The following TBC1D22A variants were observed in gnomAD, a reference collection of about 807,000 sequenced individuals.
TBC1D22A encodes the protein TBC1 domain family member 22A.
In TBC1D22A, 38 loss-of-function variants were observed where a neutral mutation model predicts 60.2. The observed-to-expected ratio is 0.63, with a 90% confidence interval of 0.49 to 0.83. The LOEUF is 0.83. TBC1D22A is among the 40% of genes least tolerant of loss of function. The pLI is 0.00. For synonymous variants in TBC1D22A, 302 were observed against 281.7 expected (o/e 1.07, Z -0.72); for missense variants, 628 against 701.0 (o/e 0.90, Z 1.18).
chr22:47,086,454 TCAAACAAA>T lies in TBC1D22A; in HGVS notation c.1330-25036_1330-25029del, dbSNP rs367825282. On this transcript the variant is annotated intron_variant, in intron 11 of 12. Transcript: ENST00000337137. ...TGGGCGACAAGAGTGAAACCCCATC[TCAAACAAA>T]CAAACAAACAAACAAACTAAAAACA... Among the ~76,000 whole-genome samples, 1,389 of 152,144 alleles carry T rather than the reference TCAAACAAA, an allele frequency of 9.1e-3. 15 individuals are homozygous for T. Among genetic ancestry groups the T allele is most frequent in the African/African-American group, 0.032 (1,321 of 41,484 alleles).
At chr22:46,864,993 C>T (rs1361245799) in intron 4 of TBC1D22A, among the ~76,000 whole-genome samples, 1 of 152,258 alleles carries the variant, frequency 6.6e-6, no homozygotes, top group Non-Finnish European at 1.5e-5. Context: ...TCTCCCAAGT[C>T]ACCCAGCAAT....
At position 46,941,425 on chromosome 22, in the gene TBC1D22A, ACG is replaced by A. The variant is rs1244060644; in HGVS notation, c.1015+29238_1015+29239del. On this transcript the variant is annotated intron_variant, in intron 8 of 12. Transcript: ENST00000337137. ...CACAGAATATATATACGGAATATAC[ACG>A]GAATATATATACACGGAATATATAT... Among the ~76,000 whole-genome samples the A allele has an allele frequency of 2.7e-3, 217 of 81,546 alleles. 13 individuals carry two copies. The highest frequency in any genetic ancestry group is 0.01 in the African/African-American group (198 of 18,938). 53.5% of individuals were successfully genotyped at this position (81,546 alleles called of 152,430 possible).
intron 12 of TBC1D22A, among the ~76,000 whole-genome samples, chr22:47,141,428 C>G (rs146675331): frequency 2.1e-3 from 317 of 152,340 alleles, no homozygotes; most frequent in African/African-American, 7.3e-3. Context: ...TTGCCTTCCC[C>G]TTACGCACGC....
At chr22:47,151,648 T>A (rs1221354045) in intron 12 of TBC1D22A, among the ~76,000 whole-genome samples, 1 of 152,152 alleles carries the variant, frequency 6.6e-6, no homozygotes, top group Non-Finnish European at 1.5e-5. Context: ...CAGGGCTTCT[T>A]CCTGTGGGGC....
chr22:47,016,863 G>A (rs2061925121), intron 10 of TBC1D22A, among the ~76,000 whole-genome samples: 2 of 152,240 alleles, frequency 1.3e-5, no homozygotes. Context: ...CGTGGCTGTT[G>A]TGCTCCTCAG....
At chr22:47,076,739 G>C (rs1393031355) in intron 11 of TBC1D22A, among the ~76,000 whole-genome samples, 3 of 151,980 alleles carry the variant, frequency 2.0e-5, no homozygotes, top group Non-Finnish European at 4.4e-5. Flanking sequence ...GCATGTAACA[G>C]GTGGGGGAAA....
intron 7 of TBC1D22A, among the ~76,000 whole-genome samples, chr22:46,896,369 T>C (rs973829000): frequency 9.2e-5 from 14 of 152,208 alleles, no homozygotes; most frequent in African/African-American, 3.4e-4. Context: ...TCTAGTGTGG[T>C]TGAACTTAAC....
intron 12 of TBC1D22A, among the ~76,000 whole-genome samples, chr22:47,155,962 C>T (rs1247924556): frequency 1.3e-5 from 2 of 152,236 alleles, no homozygotes; most frequent in Non-Finnish European, 1.5e-5. Flanking sequence ...AGGACCTCTA[C>T]GGCCCTCCTA....
At chr22:47,003,635 A>T (rs1435931769) in intron 10 of TBC1D22A, among the ~76,000 whole-genome samples, 5 of 143,282 alleles carry the variant, frequency 3.5e-5, no homozygotes, top group Non-Finnish European at 7.5e-5. Flanking sequence ...ATACATATAC[A>T]CACACCTACA....
chr22:47,059,235 C>G (rs566905625), intron 11 of TBC1D22A, among the ~76,000 whole-genome samples: 1 of 152,374 alleles, frequency 6.6e-6, no homozygotes, highest in Non-Finnish European at 1.5e-5. Context: ...GGATTTTCTG[C>G]CAGGGTCCTA....
chr22:47,104,714 A>T (rs1797709711), intron 11 of TBC1D22A, among the ~76,000 whole-genome samples: 1 of 147,484 alleles, frequency 6.8e-6, no homozygotes, highest in South Asian at 2.1e-4. Context: ...AAAAAAAAAG[A>T]TTCAATAGGA....
intron 1 of TBC1D22A, among the ~76,000 whole-genome samples, chr22:46,772,869 C>T (rs1197021008): frequency 6.6e-6 from 1 of 152,152 alleles, no homozygotes; most frequent in Non-Finnish European, 1.5e-5. Flanking sequence ...ACCTCCTGAT[C>T]CTCCTGCCTT....
intron 6 of TBC1D22A, among the ~76,000 whole-genome samples, chr22:46,892,268 C>T (rs1216985385): frequency 6.7e-6 from 1 of 148,776 alleles, no homozygotes; most frequent in Non-Finnish European, 1.5e-5. Context: ...GGGATAGCCA[C>T]ATCTCTTTGT....
At chr22:46,865,819 A>G (rs1212767815) in intron 4 of TBC1D22A, among the ~76,000 whole-genome samples, 2 of 152,206 alleles carry the variant, frequency 1.3e-5, no homozygotes, top group Non-Finnish European at 2.9e-5. Flanking sequence ...ATACTATTGA[A>G]AATGCCAAAA....
chr22:47,026,413 C>T (rs8143141), intron 10 of TBC1D22A, among the ~76,000 whole-genome samples: 3,446 of 152,214 alleles, frequency 0.023, 107 homozygotes, highest in African/African-American at 0.069. Context: ...TTCATTTATT[C>T]GTACATACAT....
At position 46,797,512 on chromosome 22, in the gene TBC1D22A, G is replaced by T; in HGVS notation, c.529G>T (p.Gly177Cys). 1 of 1,614,052 alleles carries T rather than the reference G, an allele frequency of 6.2e-7. No homozygotes were observed. The highest frequency in any genetic ancestry group is 8.5e-7 in the Non-Finnish European group (1 of 1,180,030). The change falls in exon 4 of 13, where the codon GGT (glycine) becomes TGT (cysteine). Residue 177 changes from glycine (G) to cysteine (C), a missense_variant. Gly to Cys is a radical substitution (Grantham distance 159, BLOSUM62 -3). Transcript: ENST00000337137. ...CCCACACTCGGCCACCGTCACGCTG[G>T]GTGGCACATCTGACCCCAGCACTCT... ...SLPHSATVTL[G>C]GTSDPSTLSS... is the part of the protein sequence containing the mutation.
intron 12 of TBC1D22A, among the ~76,000 whole-genome samples, chr22:47,123,557 C>G (rs974560107): frequency 2.6e-5 from 4 of 152,222 alleles, no homozygotes; most frequent in African/African-American, 9.6e-5. Flanking sequence ...CATTGGCTCA[C>G]AGAATGGCCC....
At chr22:46,912,334 C>A in intron 8 of TBC1D22A, 146 bp downstream of exon 8, 2 of 563,146 alleles carry the variant, frequency 3.6e-6, no homozygotes, top group Non-Finnish European at 6.0e-6. Context: ...TTCTCATCAA[C>A]AACAGCTTTC....
At chr22:46,858,030 G>T (rs1225936270) in intron 4 of TBC1D22A, among the ~76,000 whole-genome samples, 1 of 152,100 alleles carries the variant, frequency 6.6e-6, no homozygotes, top group Non-Finnish European at 1.5e-5. Flanking sequence ...ACTCCATGTT[G>T]AGCATCGCCA....
Sources: gnomAD v4.1 joint callset for allele counts (sites outside exome capture counted in the v4.1 genomes callset) on GRCh38, gnomAD v4.1.1 for gene constraint, MANE v1.5 for transcripts, NCBI Gene and HGNC (gene_info 2026-07-23, HGNC 2026-07-21) for gene names.